GABBR2: variants seen among roughly 807,000 people sequenced by gnomAD.
GABBR2 encodes gamma-aminobutyric acid type B receptor subunit 2, also known as G-protein coupled receptor 51.
A neutral mutation model predicts 105.6 loss-of-function variants in GABBR2; 23 were observed. The ratio of observed to expected loss-of-function variants is 0.22; its 90% CI spans 0.16 to 0.31. The LOEUF is 0.31. Among genes scored for constraint, GABBR2 ranks in the 10% least tolerant of loss-of-function variants. The pLI, the probability that GABBR2 is intolerant of heterozygous loss-of-function variation, is 1.00. For synonymous variants in GABBR2, 478 were observed against 499.7 expected (o/e 0.96, Z 0.58); for missense variants, 734 against 1,245.5 (o/e 0.59, Z 6.18).
At chr9:98,694,159 C>T (rs1012218754) in intron 1 of GABBR2, among the ~76,000 whole-genome samples, 1 of 152,236 alleles carries the variant, frequency 6.6e-6, no homozygotes, top group African/African-American at 2.4e-5. Flanking sequence ...AGTGGACTGG[C>T]CCAGTCTGGG....
chr9:98,608,127 CT>C (rs1829456578), intron 1 of GABBR2: 1 of 1,271,850 alleles, frequency 7.9e-7, no homozygotes, highest in African/African-American at 1.5e-5. Flanking sequence ...AAAGGAAGAT[CT>C]TTTAAACTCT....
rs150430257 is a variant in GABBR2 at position 98,515,011 on chromosome 9, C to A, written c.631-18497G>T. Among the ~76,000 whole-genome samples the A allele has an allele frequency of 1.9e-4, 29 of 152,192 alleles. No individual in the cohort carries two copies. The East Asian group carries it at 5.6e-3, about 29-fold the overall frequency. ...AAGGGCCAGTTCCAGTGGGGGAGGC[C>A]ACCAGGAAGTAGATTTCAGCTCCCT... is the stretch of plus-strand genomic sequence containing the variant. On this transcript the variant is annotated intron_variant, in intron 3 of 18. Coordinates refer to ENST00000259455, the MANE Select transcript of GABBR2 (RefSeq NM_005458.8).
chr9:98,357,078 G>C (rs563164280), intron 13 of GABBR2, among the ~76,000 whole-genome samples: 5 of 152,320 alleles, frequency 3.3e-5, no homozygotes, highest in African/African-American at 1.2e-4. Flanking sequence ...TACTCTGTAT[G>C]ATATTGTAAT....
intron 9 of GABBR2, among the ~76,000 whole-genome samples, chr9:98,392,897 C>CCATCCATCTACACAGCCATCCATCT (rs1268251027): frequency 2.8e-4 from 42 of 151,710 alleles, no homozygotes; most frequent in Non-Finnish European, 5.7e-4. Flanking sequence ...ATCAATTCAT[C>CCATCCATCTACACAGCCATCCATCT]CATCCATCTA....
chr9:98,501,619 A>G (rs991969592), intron 3 of GABBR2, among the ~76,000 whole-genome samples: 4 of 152,166 alleles, frequency 2.6e-5, no homozygotes, highest in African/African-American at 9.7e-5. Context: ...GACAGTTTTA[A>G]GTAAATGATT....
intron 3 of GABBR2, among the ~76,000 whole-genome samples, chr9:98,503,583 G>T (rs1827447047): frequency 6.6e-6 from 1 of 152,176 alleles, no homozygotes; most frequent in African/African-American, 2.4e-5. Flanking sequence ...GAGGTGGCAA[G>T]AAGTGATCGG....
chr9:98,479,984 C>G (rs573416741), intron 5 of GABBR2, among the ~76,000 whole-genome samples: 25 of 152,312 alleles, frequency 1.6e-4, no homozygotes, highest in Middle Eastern at 3.4e-3. Context: ...AACATTCCAA[C>G]CTGTTAAAGT....
chr9:98,428,061 A>C (rs1458041092), intron 7 of GABBR2, among the ~76,000 whole-genome samples: 1 of 152,256 alleles, frequency 6.6e-6, no homozygotes, highest in Non-Finnish European at 1.5e-5. Flanking sequence ...TGTTGTTTTA[A>C]GCCACTACAC....
intron 1 of GABBR2, among the ~76,000 whole-genome samples, chr9:98,582,957 G>A (rs1829022130): frequency 6.6e-6 from 1 of 152,124 alleles, no homozygotes; most frequent in Admixed American, 6.6e-5. Flanking sequence ...GATTAGGAGA[G>A]GGATTTCTGG....
At chr9:98,379,337 T>A (rs915008086) in intron 11 of GABBR2, among the ~76,000 whole-genome samples, 1 of 152,208 alleles carries the variant, frequency 6.6e-6, no homozygotes, top group African/African-American at 2.4e-5. Context: ...GGCACGATCT[T>A]GGCTCACTGC....
At chr9:98,375,322 C>G (rs1831853585) in intron 11 of GABBR2, 1 of 152,204 alleles carries the variant, frequency 6.6e-6, no homozygotes, top group Admixed American at 6.5e-5. Flanking sequence ...GCCACTTCCT[C>G]TGAGAAGCCC....
chr9:98,451,624 T>A (rs1471371557), intron 7 of GABBR2, among the ~76,000 whole-genome samples: 1 of 151,202 alleles, frequency 6.6e-6, no homozygotes, highest in Non-Finnish European at 1.5e-5. Flanking sequence ...CCCCGAGAGG[T>A]TCTGATTTAA....
intron 1 of GABBR2, among the ~76,000 whole-genome samples, chr9:98,587,300 C>T (rs528646345): frequency 2.0e-4 from 30 of 152,308 alleles, no homozygotes; most frequent in African/African-American, 6.5e-4. Context: ...ACAATCACCT[C>T]CCGCATTCTG....
At chr9:98,496,963 T>C (rs1827292891) in intron 3 of GABBR2, among the ~76,000 whole-genome samples, 2 of 152,228 alleles carry the variant, frequency 1.3e-5, no homozygotes, top group Admixed American at 1.3e-4. Flanking sequence ...GAAAGAAGTA[T>C]GGAACCTGCC....
chr9:98,603,465 C>T (rs1006720450), intron 1 of GABBR2, among the ~76,000 whole-genome samples: 1 of 152,174 alleles, frequency 6.6e-6, no homozygotes, highest in African/African-American at 2.4e-5. Flanking sequence ...CCAGTTTCCC[C>T]TTGGTTGATA....
At chr9:98,519,447 C>T (rs7874983) in intron 3 of GABBR2, among the ~76,000 whole-genome samples, 5,906 of 152,308 alleles carry the variant, frequency 0.039, 399 homozygotes, top group African/African-American at 0.13. Flanking sequence ...CCGTGATAGA[C>T]GGGAAAGGCC....
At chr9:98,627,728 C>T (rs538710275) in intron 1 of GABBR2, among the ~76,000 whole-genome samples, 122 of 152,356 alleles carry the variant, frequency 8.0e-4, no homozygotes, top group Middle Eastern at 3.4e-3. Context: ...CCATTCTCCT[C>T]GGTGTCTGTC....
intron 1 of GABBR2, among the ~76,000 whole-genome samples, chr9:98,682,367 T>TTC (rs1491201323): frequency 1.3e-3 from 12 of 9,160 alleles, no homozygotes; most frequent in African/African-American, 2.8e-3. Flanking sequence ...TTTTACCATC[T>TTC]TTTTTTTTTT....
intron 3 of GABBR2, among the ~76,000 whole-genome samples, chr9:98,530,298 G>A (rs1331147383): frequency 6.6e-6 from 1 of 152,216 alleles, no homozygotes; most frequent in African/African-American, 2.4e-5. Context: ...TGATTGGCCT[G>A]TATATTCACC....
Sources: allele counts gnomAD v4.1 joint callset (sites outside exome capture counted in the v4.1 genomes callset), GRCh38; gene constraint gnomAD v4.1.1; transcripts MANE v1.5; gene names NCBI Gene and HGNC (gene_info 2026-07-23, HGNC 2026-07-21).